The following ATG5 variants were observed in gnomAD, a reference collection of about 807,000 sequenced individuals.
ATG5 encodes the protein autophagy protein 5.
In ATG5, 14 loss-of-function variants were observed where a neutral mutation model predicts 36.5. The observed-to-expected ratio is 0.38, with a 90% confidence interval of 0.25 to 0.60. The LOEUF is 0.60. Among genes scored for constraint, ATG5 ranks in the 20% least tolerant of loss-of-function variants. ATG5 has a pLI of 0.60. For missense variants in ATG5, 195 were observed against 326.7 expected (o/e 0.60, Z 3.11); for synonymous variants, 95 against 101.5 (o/e 0.94, Z 0.38).
chr6:106,301,714 A>G (rs1199658243), intron 3 of ATG5, among the ~76,000 whole-genome samples: 1 of 152,104 alleles, frequency 6.6e-6, no homozygotes, highest in Non-Finnish European at 1.5e-5. Context: ...TCAGATTTTC[A>G]GATTTGGAAT....
chr6:106,255,211 A>G (rs1018170048), intron 5 of ATG5, among the ~76,000 whole-genome samples: 1 of 152,206 alleles, frequency 6.6e-6, no homozygotes, highest in Non-Finnish European at 1.5e-5. Context: ...TTCCAACTCT[A>G]TCGCTTAAGA....
chr6:106,226,011 T>C (rs1048661577), intron 6 of ATG5, among the ~76,000 whole-genome samples: 3 of 152,220 alleles, frequency 2.0e-5, no homozygotes, highest in African/African-American at 7.2e-5. Context: ...AAAAAACATC[T>C]ACGAAGGCCC....
chr6:106,279,332 T>G (rs543852964), intron 5 of ATG5, among the ~76,000 whole-genome samples: 4 of 152,218 alleles, frequency 2.6e-5, no homozygotes, highest in Non-Finnish European at 5.9e-5. Context: ...AATTTTCCAC[T>G]GTGACCACAG....
chr6:106,194,899 G>C (rs976958423), intron 7 of ATG5, among the ~76,000 whole-genome samples: 3 of 152,104 alleles, frequency 2.0e-5, no homozygotes, highest in Non-Finnish European at 4.4e-5. Context: ...TTCTTGATGT[G>C]TTATTTTTAA....
At chr6:106,242,860 G>T (rs1031237389) in intron 6 of ATG5, among the ~76,000 whole-genome samples, 2 of 152,144 alleles carry the variant, frequency 1.3e-5, no homozygotes, top group East Asian at 1.9e-4. Context: ...TACTAAAATG[G>T]AAAACAACTG....
intron 7 of ATG5, among the ~76,000 whole-genome samples, chr6:106,190,830 T>C (rs530188926): frequency 1.3e-5 from 2 of 152,180 alleles, no homozygotes; most frequent in African/African-American, 4.8e-5. Flanking sequence ...TAACTTCTTA[T>C]GTATATATTA....
chr6:106,242,644 A>C (rs1778174888), intron 6 of ATG5, among the ~76,000 whole-genome samples: 1 of 152,160 alleles, frequency 6.6e-6, no homozygotes, highest in African/African-American at 2.4e-5. Context: ...AAAACACCTC[A>C]AGCAACTTAC....
At chr6:106,211,942 A>G (rs1776867997) in intron 6 of ATG5, among the ~76,000 whole-genome samples, 2 of 152,226 alleles carry the variant, frequency 1.3e-5, no homozygotes, top group Admixed American at 6.5e-5. Flanking sequence ...TACTACATTT[A>G]TAAGTAAAAT....
chr6:106,294,845 G>GAAAAAAAAAA (rs1219794619), intron 3 of ATG5, among the ~76,000 whole-genome samples: 2 of 85,944 alleles, frequency 2.3e-5, no homozygotes, highest in Admixed American at 1.3e-4. Flanking sequence ...CTTTTCTCAA[G>GAAAAAAAAAA]AAAAAAAAAA....
intron 2 of ATG5, among the ~76,000 whole-genome samples, chr6:106,312,477 T>C (rs954787300): frequency 4.0e-5 from 6 of 151,592 alleles, no homozygotes; most frequent in Non-Finnish European, 7.4e-5. Flanking sequence ...ATATTGGGAA[T>C]TGTCAAGATA....
intron 7 of ATG5, among the ~76,000 whole-genome samples, chr6:106,196,175 A>G (rs1323922176): frequency 6.6e-6 from 1 of 152,236 alleles, no homozygotes; most frequent in Non-Finnish European, 1.5e-5. Context: ...TCAGGTTCCT[A>G]AGATCATATC....
intron 6 of ATG5, among the ~76,000 whole-genome samples, chr6:106,204,901 AG>A (rs2114368228): frequency 6.6e-6 from 1 of 152,358 alleles, no homozygotes; most frequent in East Asian, 1.9e-4. Flanking sequence ...TTCTCATACA[AG>A]TTGAAACCAA....
At chr6:106,273,575 G>A (rs1005793529) in intron 5 of ATG5, among the ~76,000 whole-genome samples, 2 of 151,938 alleles carry the variant, frequency 1.3e-5, no homozygotes, top group African/African-American at 4.8e-5. Context: ...CATCACCTAG[G>A]GGAAGGGAAG....
At chr6:106,304,394 C>T (rs1430380425) in intron 3 of ATG5, 1 of 152,118 alleles carries the variant, frequency 6.6e-6, no homozygotes, top group Non-Finnish European at 1.5e-5. Flanking sequence ...TTTTCAGCAG[C>T]TTTTCTCAAT....
intron 3 of ATG5, among the ~76,000 whole-genome samples, chr6:106,298,185 T>A (rs957419020): frequency 3.9e-5 from 6 of 151,922 alleles, no homozygotes; most frequent in Non-Finnish European, 7.4e-5. Flanking sequence ...AGTCTTGAAC[T>A]TCTGACCTCA....
chr6:106,308,265 C>T lies in ATG5; in HGVS notation c.236+99G>A, dbSNP rs531972748. ...ATTGTATGAGCTAGACTAATGACTTCTATCCTCGCAGGACTTTTTTTACAA... is the reference window on the plus strand; with the variant it reads ...ATTGTATGAGCTAGACTAATGACTTTTATCCTCGCAGGACTTTTTTTACAA... On this transcript the variant is annotated intron_variant, in intron 3 of 7. Coordinates refer to ENST00000369076, the MANE Select transcript of ATG5 (RefSeq NM_004849.4). 2.8e-3 allele frequency: 2,949 copies of T among 1,049,182 alleles called. 8 individuals are homozygous for T. Among genetic ancestry groups the T allele is most frequent in the Middle Eastern group, 4.5e-3 (15 of 3,308 alleles). The allele number at this position is 1,049,182 out of a possible 1,614,324, so 65.0% of individuals were successfully genotyped here.
At chr6:106,242,964 C>T (rs1166590497) in intron 6 of ATG5, among the ~76,000 whole-genome samples, 1 of 152,212 alleles carries the variant, frequency 6.6e-6, no homozygotes, top group South Asian at 2.1e-4. Flanking sequence ...CATATTTCTA[C>T]TGTCCTCACT....
intron 6 of ATG5, among the ~76,000 whole-genome samples, chr6:106,231,873 A>G (rs1486439903): frequency 6.6e-6 from 1 of 152,220 alleles, no homozygotes; most frequent in Non-Finnish European, 1.5e-5. Context: ...CATGGCCCTC[A>G]GGCAAGCGGA....
intron 6 of ATG5, among the ~76,000 whole-genome samples, chr6:106,237,706 C>T (rs1360451046): frequency 6.6e-6 from 1 of 152,100 alleles, no homozygotes; most frequent in Non-Finnish European, 1.5e-5. Flanking sequence ...ATTGAAAATC[C>T]AGTCCCGAAT....
Sources: allele counts gnomAD v4.1 joint callset (sites outside exome capture counted in the v4.1 genomes callset), GRCh38; gene constraint gnomAD v4.1.1; transcripts MANE v1.5; gene names NCBI Gene and HGNC (gene_info 2026-07-23, HGNC 2026-07-21).